DPYD: variants seen among roughly 807,000 people sequenced by gnomAD.
The protein encoded by DPYD is dihydropyrimidine dehydrogenase [NADP(+)].
A neutral mutation model predicts 116.2 loss-of-function variants in DPYD; 109 were observed. The observed-to-expected ratio is 0.94, with a 90% CI of 0.80 to 1.10. DPYD has a LOEUF of 1.10. Among genes scored for constraint, DPYD ranks in the 50% least tolerant of loss-of-function variants. The pLI, the probability that DPYD is intolerant of heterozygous loss-of-function variation, is 0.00. For synonymous variants in DPYD, 440 were observed against 432.0 expected, an observed-to-expected ratio of 1.02 and a Z score of -0.23; for missense variants, 1,302 against 1,254.5, an observed-to-expected ratio of 1.04 and a Z score of -0.57.
At chr1:97,403,268 C>T (rs1389411187) in intron 14 of DPYD, among the ~76,000 whole-genome samples, 2 of 152,056 alleles carry the variant, frequency 1.3e-5, no homozygotes, top group South Asian at 2.1e-4. Context: ...GTTATCTAGA[C>T]ATATCCCATT....
chr1:97,595,864 G>A (rs1571027420), intron 8 of DPYD, among the ~76,000 whole-genome samples: 1 of 151,726 alleles, frequency 6.6e-6, no homozygotes, highest in Non-Finnish European at 1.5e-5. Flanking sequence ...TCATTAAACT[G>A]CAAATTAAAA....
chr1:97,467,767 GA>G (rs1454795406), intron 13 of DPYD, among the ~76,000 whole-genome samples: 1 of 152,084 alleles, frequency 6.6e-6, no homozygotes, highest in Non-Finnish European at 1.5e-5. Flanking sequence ...AGAACATTTA[GA>G]AAAATAGAAA....
At chr1:97,123,217 A>G (rs1652581892) in intron 20 of DPYD, among the ~76,000 whole-genome samples, 1 of 152,158 alleles carries the variant, frequency 6.6e-6, no homozygotes, top group Non-Finnish European at 1.5e-5. Context: ...GGGTATCTTT[A>G]CATAGAAGAA....
chr1:97,830,489 G>A (rs563977278), intron 2 of DPYD, among the ~76,000 whole-genome samples: 50 of 152,046 alleles, frequency 3.3e-4, no homozygotes, highest in African/African-American at 9.6e-4. Flanking sequence ...CGAGGTGGGC[G>A]GATCATGAGG....
chr1:97,450,578 C>G (rs1676360357), intron 13 of DPYD, among the ~76,000 whole-genome samples: 1 of 151,422 alleles, frequency 6.6e-6, no homozygotes, highest in Admixed American at 6.6e-5. Flanking sequence ...TCATTTCTGT[C>G]TATTTAATCT....
intron 16 of DPYD, among the ~76,000 whole-genome samples, chr1:97,341,683 T>C (rs994803198): frequency 6.6e-6 from 1 of 152,222 alleles, no homozygotes; most frequent in African/African-American, 2.4e-5. Flanking sequence ...TAAGAACAGC[T>C]GACTTTCTGG....
intron 3 of DPYD, among the ~76,000 whole-genome samples, chr1:97,821,317 C>A (rs1668916702): frequency 8.4e-6 from 1 of 118,596 alleles, no homozygotes; most frequent in Non-Finnish European, 1.7e-5. Context: ...GACAACAAGA[C>A]TGAAACTCCA....
intron 2 of DPYD, among the ~76,000 whole-genome samples, chr1:97,866,934 G>A (rs1171022340): frequency 6.6e-6 from 1 of 151,882 alleles, no homozygotes; most frequent in Non-Finnish European, 1.5e-5. Context: ...CAAGCAGCAG[G>A]AGATGAGGAT....
chr1:97,740,130 T>C (rs1025020596), intron 4 of DPYD, among the ~76,000 whole-genome samples: 1 of 152,136 alleles, frequency 6.6e-6, no homozygotes, highest in Non-Finnish European at 1.5e-5. Context: ...AATCAATCTT[T>C]TCAGTGTCTT....
Position 97,808,200 on chromosome 1 carries a change from G to T in DPYD, c.233+19914C>A, listed in dbSNP as rs569963332. On this transcript the variant is annotated intron_variant, in intron 3 of 22. Coordinates refer to ENST00000370192, the MANE Select transcript of DPYD (RefSeq NM_000110.4). ...TACACTGAATCTGTGGAACAATTTGGAAAGAACCAACATCTTGAGAATTGT... is the reference window on the plus strand; with the variant it reads ...TACACTGAATCTGTGGAACAATTTGTAAAGAACCAACATCTTGAGAATTGT... Among the ~76,000 whole-genome samples, 11 of 152,196 alleles carry T rather than the reference G, an allele frequency of 7.2e-5. No homozygotes were observed. In the South Asian group the frequency reaches 2.3e-3, roughly 32 times the overall value.
chr1:97,806,865 C>T (rs1668100077), intron 3 of DPYD, among the ~76,000 whole-genome samples: 2 of 151,916 alleles, frequency 1.3e-5, no homozygotes, highest in Admixed American at 1.3e-4. Flanking sequence ...TTTTCACTGT[C>T]TTTTAGTTTT....
chr1:97,731,320 A>G (rs1322349261), intron 4 of DPYD, among the ~76,000 whole-genome samples: 2 of 152,110 alleles, frequency 1.3e-5, no homozygotes, highest in East Asian at 3.8e-4. Flanking sequence ...CCTCCATTCT[A>G]AGTACATAAT....
At chr1:97,497,993 A>G (rs1266447406) in intron 13 of DPYD, among the ~76,000 whole-genome samples, 1 of 151,890 alleles carries the variant, frequency 6.6e-6, no homozygotes, top group Non-Finnish European at 1.5e-5. Flanking sequence ...ATGAAGCATT[A>G]CATTGATAAA....
At chr1:97,592,533 A>AT (rs1175695473) in intron 10 of DPYD, among the ~76,000 whole-genome samples, 3 of 151,838 alleles carry the variant, frequency 2.0e-5, no homozygotes, top group Non-Finnish European at 2.9e-5. Context: ...CGCCCGGCTA[A>AT]TTTTTTTGTA....
chr1:97,757,234 G>C (rs1254527942), intron 3 of DPYD, among the ~76,000 whole-genome samples: 1 of 152,160 alleles, frequency 6.6e-6, no homozygotes, highest in Non-Finnish European at 1.5e-5. Flanking sequence ...TTGCATTGTA[G>C]ACTAAGCTTA....
In DPYD at chr1:97,707,177, C is replaced by T. The variant is rs116378289; in HGVS notation, c.484-7630G>A. On this transcript the variant is annotated intron_variant, in intron 5 of 22. Coordinates refer to ENST00000370192, the MANE Select transcript of DPYD (RefSeq NM_000110.4). ...AGGTGATTAGGTCATGAGGAGCCCTCCTCAATTAGATTAGTTCCCTTAAAA... is the reference window on the plus strand; with the variant it reads ...AGGTGATTAGGTCATGAGGAGCCCTTCTCAATTAGATTAGTTCCCTTAAAA... 5.4e-3 allele frequency among the ~76,000 whole-genome samples: 828 copies of T among 152,080 alleles called. 7 individuals are homozygous for T. Among genetic ancestry groups the T allele is most frequent in the African/African-American group, 0.018 (766 of 41,508 alleles).
intron 8 of DPYD, among the ~76,000 whole-genome samples, chr1:97,648,382 C>T (rs1303693455): frequency 1.3e-5 from 2 of 151,904 alleles, no homozygotes; most frequent in South Asian, 2.1e-4. Flanking sequence ...TACTTACAGG[C>T]AATTTGGTGT....
intron 4 of DPYD, among the ~76,000 whole-genome samples, chr1:97,740,143 A>G (rs1253281597): frequency 6.6e-6 from 1 of 152,130 alleles, no homozygotes; most frequent in African/African-American, 2.4e-5. Flanking sequence ...AGTGTCTTGA[A>G]TTTTAAAAAT....
At chr1:97,913,593 T>A (rs1362012423) in intron 1 of DPYD, among the ~76,000 whole-genome samples, 1 of 152,164 alleles carries the variant, frequency 6.6e-6, no homozygotes, top group African/African-American at 2.4e-5. Flanking sequence ...CATTCTACTA[T>A]TTTGCTGGCA....
Sources: allele counts gnomAD v4.1 joint callset (sites outside exome capture counted in the v4.1 genomes callset), GRCh38; gene constraint gnomAD v4.1.1; transcripts MANE v1.5; gene names NCBI Gene and HGNC (gene_info 2026-07-23, HGNC 2026-07-21).